The following PNPLA6 variants were observed in gnomAD, a reference collection of about 807,000 sequenced individuals.
The protein encoded by PNPLA6 is patatin like domain 6, lysophospholipase, also known as patatin-like phospholipase domain-containing protein 6.
In PNPLA6, 105 loss-of-function variants were observed where a neutral mutation model predicts 153.7. The ratio of observed to expected loss-of-function variants is 0.68; its 90% CI spans 0.58 to 0.80. PNPLA6 has a LOEUF of 0.80. Among genes scored for constraint, PNPLA6 ranks in the 30% least tolerant of loss-of-function variants. The pLI is 0.00. For missense variants in PNPLA6, 1,423 were observed against 1,919.3 expected, an observed-to-expected ratio of 0.74 and a Z score of 4.83; for synonymous variants, 825 against 822.2, an observed-to-expected ratio of 1.00 and a Z score of -0.06.
intron 18 of PNPLA6, among the ~76,000 whole-genome samples, chr19:7,553,586 G>A (rs955878095): frequency 6.6e-6 from 1 of 152,246 alleles, no homozygotes; most frequent in East Asian, 1.9e-4. Context: ...GAATCTGAAT[G>A]GTTGTAGAGT....
chr19:7,541,073 G>C lies in PNPLA6; in HGVS notation c.924+22G>C. 1 of 1,604,202 alleles carries C rather than the reference G, an allele frequency of 6.2e-7. No homozygotes were observed. Among genetic ancestry groups the C allele is most frequent in the South Asian group, 1.1e-5 (1 of 89,556 alleles). ...GCAGGTCAGTGGGCCTTCGCCTCCTGTCACCCCCTGAGGGACCCCACCCTG... is the reference window on the plus strand; with the variant it reads ...GCAGGTCAGTGGGCCTTCGCCTCCTCTCACCCCCTGAGGGACCCCACCCTG... On this transcript the variant is annotated intron_variant, in intron 7 of 31. Transcript: ENST00000600737. The surrounding 1 kb of genome is among the most constrained non-coding windows in gnomAD (Gnocchi z 5.2).
At chr19:7,546,869 A>T (rs952040628) in intron 13 of PNPLA6, among the ~76,000 whole-genome samples, 2 of 151,284 alleles carry the variant, frequency 1.3e-5, no homozygotes, top group Non-Finnish European at 2.9e-5. Context: ...TCTTGGGTAT[A>T]TACCTAGGAG....
chr19:7,543,817 T>C (rs188673430), intron 13 of PNPLA6, among the ~76,000 whole-genome samples: 2 of 151,384 alleles, frequency 1.3e-5, no homozygotes, highest in East Asian at 3.9e-4. Context: ...TTTTTTCTTT[T>C]TTTTTTTTTT....
In PNPLA6 at chr19:7,551,449, C is replaced by A; in HGVS notation, c.2260+12C>A. The A allele has an allele frequency of 6.2e-7, 1 of 1,611,260 alleles. No individual in the cohort carries two copies. The highest frequency in any genetic ancestry group is 8.5e-7 in the Non-Finnish European group (1 of 1,177,568). On this transcript the variant is annotated intron_variant, in intron 18 of 31. Transcript: ENST00000600737. ...AGGACCCTTCCCAGGTGAGAGCCGG[C>A]CGGCCCAGAGCGTGCTGGGAGATGT...
intron 13 of PNPLA6, 99 bp from the exon 14 acceptor site, chr19:7,549,808 T>G: frequency 8.2e-7 from 1 of 1,221,426 alleles, no homozygotes; most frequent in Non-Finnish European, 1.2e-6. Context: ...TTCTTAACCC[T>G]TCCTTTCTTC....
intron 27 of PNPLA6, 58 bp from the exon 28 acceptor site, chr19:7,558,792 A>G (rs2023991120): frequency 7.6e-7 from 1 of 1,309,306 alleles, no homozygotes; most frequent in African/African-American, 1.4e-5. Context: ...GACTGGGTTG[A>G]ACATCTCTGC....
At position 7,540,383 on chromosome 19, in the gene PNPLA6, CTGGTG is replaced by C. The variant is rs2023075812; in HGVS notation, c.714+76_714+80del. On this transcript the variant is annotated intron_variant, in intron 5 of 31. Transcript: ENST00000600737. This position sits in a 1 kb window ranked among gnomAD's most constrained non-coding sequence, Gnocchi z 6.8. ...GGGCAGCAGGCATTGGTCTGTAGAG[CTGGTG>C]GTCTTTGGAGATGCGTCATCGGGAG... The C allele has an allele frequency of 8.0e-6, 12 of 1,494,284 alleles. No homozygotes were observed. The East Asian group carries it at 2.5e-4, about 31-fold the overall frequency. The allele number at this position is 1,494,284 out of a possible 1,614,324, so 92.6% of individuals were successfully genotyped here.
In PNPLA6 at chr19:7,550,654, C is replaced by A; in HGVS notation, c.2070+14C>A. On this transcript the variant is annotated intron_variant, in intron 16 of 31. Transcript: ENST00000600737. ...CTCATCGGCGTGGTGAGCGCGACCC[C>A]CACCCACTGACCTCTGGCCTTTTCC... 1 of 1,609,408 alleles carries A rather than the reference C, an allele frequency of 6.2e-7. No homozygotes were observed. The highest frequency in any genetic ancestry group is 8.5e-7 in the Non-Finnish European group (1 of 1,179,428).
upstream of PNPLA6, chr19:7,534,663 G>A (rs533330944): frequency 6.5e-6 from 1 of 152,712 alleles, no homozygotes; most frequent in African/African-American, 2.4e-5. Flanking sequence ...CCCAGCAGTA[G>A]TATTGTAATC....
rs1464460519 is a variant in PNPLA6 at position 7,554,884 on chromosome 19, AT to A, written c.2635-7del. 6.3e-7 allele frequency: 1 copy of A among 1,581,422 alleles called. No individual in the cohort carries two copies. The highest frequency in any genetic ancestry group is 1.1e-5 in the South Asian group (1 of 89,194). ...GCGGCTGGTGACCTCAGCCGTCCGT[AT>A]TCCGCAGCTGGAGCAGATGCTGGAG... is the stretch of plus-strand genomic sequence containing the variant. On this transcript the variant is annotated splice_region_variant and splice_polypyrimidine_tract_variant and intron_variant, in intron 21 of 31. Transcript: ENST00000600737.
chr19:7,554,773 GC>G, intron 21 of PNPLA6, 50 bp downstream of exon 21: 1 of 1,599,542 alleles, frequency 6.3e-7, no homozygotes, highest in East Asian at 2.2e-5. Flanking sequence ...CCCGTCCTTT[GC>G]CCTCCCGTGC....
rs1411641789 is a variant in PNPLA6, at chr19:7,555,423, TC to T, written c.2936+58del. ...GGCCTGGATGTCCGAGGGTGGAGCT[TC>T]CTGGGAGAAACCGTGGGGGCGGGGC... On this transcript the variant is annotated intron_variant, in intron 23 of 31. Coordinates refer to ENST00000600737, the MANE Select transcript of PNPLA6 (RefSeq NM_001166114.2). The surrounding 1 kb of genome is among the most constrained non-coding windows in gnomAD (Gnocchi z 6.3). 1.5e-6 allele frequency: 2 copies of T among 1,373,738 alleles called. No individual in the cohort carries two copies. The highest frequency in any genetic ancestry group is 2.0e-5 in the Admixed American group (1 of 50,396). The allele number at this position is 1,373,738 out of a possible 1,614,324, so 85.1% of individuals were successfully genotyped here.
chr19:7,537,883 G>A (rs531462537), intron 3 of PNPLA6, among the ~76,000 whole-genome samples: 9 of 152,158 alleles, frequency 5.9e-5, no homozygotes, highest in Admixed American at 2.0e-4. Flanking sequence ...CTTGTGATCC[G>A]TCCGCCTCGG....
Position 7,540,373 on chromosome 19 carries a change from G to T in PNPLA6, c.714+65G>T. 1 of 1,525,584 alleles carries T rather than the reference G, an allele frequency of 6.6e-7. No homozygotes were observed. The highest frequency in any genetic ancestry group is 1.8e-5 in the Admixed American group (1 of 54,132). The allele number at this position is 1,525,584 out of a possible 1,614,324, so 94.5% of individuals were successfully genotyped here. A position where few individuals can be genotyped will look rare whatever the true frequency, so the allele number is the denominator to read the frequency against. On this transcript the variant is annotated intron_variant, in intron 5 of 31. Coordinates refer to ENST00000600737, the MANE Select transcript of PNPLA6 (RefSeq NM_001166114.2). The surrounding 1 kb of genome is among the most constrained non-coding windows in gnomAD (Gnocchi z 6.8). ...TGGTGGGGATGGGCAGCAGGCATTG[G>T]TCTGTAGAGCTGGTGGTCTTTGGAG...
In PNPLA6 at chr19:7,555,346, T is replaced by C; in HGVS notation, c.2915T>C (p.Val972Ala). The C allele has an allele frequency of 6.5e-7, 1 of 1,538,258 alleles. No individual in the cohort carries two copies. ...RVLTGNTIALVLGGGGARGCS... is the reference protein window; with the variant it reads ...RVLTGNTIALALGGGGARGCS... Reference sequence around the variant, plus strand: ...CTCACGGGGAACACCATTGCCCTTGTGCTAGGCGGGGGCGGGGCCAGGTGA... The same window carrying C: ...CTCACGGGGAACACCATTGCCCTTGCGCTAGGCGGGGGCGGGGCCAGGTGA... Residue 972 changes from valine (V) to alanine (A), a missense_variant, in exon 23 of 32, where the codon GTG becomes GCG. By Grantham distance (64) the Val-to-Ala change is moderately conservative (BLOSUM62 0). Transcript: ENST00000600737. This position sits in a 1 kb window ranked among gnomAD's most constrained non-coding sequence, Gnocchi z 6.3.
At chr19:7,542,169 C>G (rs909522610) in intron 10 of PNPLA6, 102 bp downstream of exon 10, 8 of 872,530 alleles carry the variant, frequency 9.2e-6, no homozygotes, top group Non-Finnish European at 1.5e-5. Context: ...GAAATGGGAA[C>G]ACTGCCAGTA....
At chr19:7,554,304 G>T in intron 20 of PNPLA6, 32 bp downstream of exon 20, 3 of 1,587,226 alleles carry the variant, frequency 1.9e-6, no homozygotes, top group Non-Finnish European at 2.6e-6. Flanking sequence ...GGGGAGGGTG[G>T]TGGGTGGGCC....
Position 7,555,663 on chromosome 19 carries a change from A to G in PNPLA6, c.2993A>G (p.Asp998Gly), listed in dbSNP as rs2023847365. The G allele has an allele frequency of 6.2e-7, 1 of 1,613,214 alleles. No individual in the cohort carries two copies. The highest frequency in any genetic ancestry group is 8.5e-7 in the Non-Finnish European group (1 of 1,179,826). Residue 998 changes from aspartate (D) to glycine (G), a missense_variant, in exon 24 of 32, where the codon GAC becomes GGC. Around this residue, in one of 10 missense-constraint regions of PNPLA6, gnomAD observed 643 missense variants for 835.2 expected, o/e 0.77. Coordinates refer to ENST00000600737, the MANE Select transcript of PNPLA6 (RefSeq NM_001166114.2). The surrounding 1 kb of genome is among the most constrained non-coding windows in gnomAD (Gnocchi z 6.3). The part of the protein sequence containing the change: ...KALEEAGVPV[D>G]LVGGTSIGSF... ...TTAGAGGAGGCGGGGGTCCCCGTGG[A>G]CCTGGTGGGCGGCACGTCCATTGGC...
rs2023840477 is a variant in PNPLA6 at position 7,555,542 on chromosome 19, G to A, written c.2937-65G>A. On this transcript the variant is annotated intron_variant, in intron 23 of 31. Transcript: ENST00000600737. The surrounding 1 kb of genome is among the most constrained non-coding windows in gnomAD (Gnocchi z 6.3). ...CTTAGCAGTGCGGGAGGTGGGAGGA[G>A]GTAGGGGCAGGGGAGTTCCTGCAGG... The A allele has an allele frequency of 6.4e-7, 1 of 1,565,000 alleles. No homozygotes were observed. The highest frequency in any genetic ancestry group is 1.3e-5 in the African/African-American group (1 of 74,128).
Sources: gnomAD v4.1 joint callset for allele counts (sites outside exome capture counted in the v4.1 genomes callset) on GRCh38, gnomAD v4.1.1 for gene constraint, gnomAD v4.1.1 regional missense constraint, Gnocchi (gnomAD v3.1) non-coding constraint, MANE v1.5 for transcripts, NCBI Gene and HGNC (gene_info 2026-07-23, HGNC 2026-07-21) for gene names.